The following GRXCR1 variants were observed in gnomAD, a reference collection of about 807,000 sequenced individuals.
GRXCR1 encodes the protein glutaredoxin and cysteine rich domain containing 1, also known as glutaredoxin domain-containing cysteine-rich protein 1.
GRXCR1 carries 27 observed loss-of-function variants against 27.3 expected under a neutral mutation model. That is an observed-to-expected ratio of 0.99 (90% CI 0.73 to 1.37). GRXCR1 has a LOEUF of 1.37. GRXCR1 is among the 40% of genes most tolerant of loss of function. The pLI is 0.00. For missense variants in GRXCR1, 379 were observed against 354.4 expected (o/e 1.07, Z -0.56); for synonymous variants, 122 against 131.1 (o/e 0.93, Z 0.47).
chr4:43,003,709 A>G (rs1712460157), intron 2 of GRXCR1, among the ~76,000 whole-genome samples: 1 of 152,212 alleles, frequency 6.6e-6, no homozygotes, highest in Non-Finnish European at 1.5e-5. Context: ...CATCTGGCAG[A>G]AGAAATTTCT....
chr4:42,894,736 A>G (rs768022849), intron 1 of GRXCR1, among the ~76,000 whole-genome samples: 1 of 152,102 alleles, frequency 6.6e-6, no homozygotes, highest in African/African-American at 2.4e-5. Context: ...AGAATTTTAC[A>G]TATTGGGGTG....
chr4:42,983,941 T>C (rs1178440509), intron 2 of GRXCR1, among the ~76,000 whole-genome samples: 1 of 151,652 alleles, frequency 6.6e-6, no homozygotes, highest in Non-Finnish European at 1.5e-5. Flanking sequence ...GTTCAAGCAA[T>C]TCTCCTGCCT....
At chr4:42,987,234 T>TATATATATTATAC (rs1711780167) in intron 2 of GRXCR1, among the ~76,000 whole-genome samples, 1 of 84,044 alleles carries the variant, frequency 1.2e-5, no homozygotes, top group Non-Finnish European at 2.3e-5. Flanking sequence ...ATATATTATA[T>TATATATATTATAC]ATATATAATA....
At chr4:42,988,393 C>T (rs1212233781) in intron 2 of GRXCR1, among the ~76,000 whole-genome samples, 2 of 152,076 alleles carry the variant, frequency 1.3e-5, no homozygotes, top group Non-Finnish European at 2.9e-5. Flanking sequence ...CTGAAGACTG[C>T]CAAGTTCAGC....
At chr4:43,028,165 G>A (rs80179897) in intron 3 of GRXCR1, among the ~76,000 whole-genome samples, 6,261 of 151,822 alleles carry the variant, frequency 0.041, 380 homozygotes, top group African/African-American at 0.14. Context: ...AATAGCCATT[G>A]CCCAAGATGG....
intron 1 of GRXCR1, among the ~76,000 whole-genome samples, chr4:42,958,569 C>T (rs531881063): frequency 1.6e-4 from 24 of 151,866 alleles, no homozygotes; most frequent in South Asian, 2.1e-4. Context: ...AGTGGGAGCA[C>T]GCAAAACTAA....
chr4:42,937,447 T>C (rs1747487396), intron 1 of GRXCR1, among the ~76,000 whole-genome samples: 1 of 151,896 alleles, frequency 6.6e-6, no homozygotes, highest in Admixed American at 6.6e-5. Context: ...GAGAGCTAAG[T>C]GTGTTCACTG....
intron 1 of GRXCR1, among the ~76,000 whole-genome samples, chr4:42,924,045 A>T (rs541691160): frequency 6.6e-6 from 1 of 152,216 alleles, no homozygotes; most frequent in Admixed American, 6.5e-5. Context: ...TAAAGTTGAC[A>T]AGCAATTCCC....
intron 2 of GRXCR1, among the ~76,000 whole-genome samples, chr4:42,999,245 C>T (rs1268491390): frequency 6.6e-6 from 1 of 152,182 alleles, no homozygotes; most frequent in East Asian, 1.9e-4. Context: ...CAGCTCATTT[C>T]TGGTTTCTCT....
chr4:43,028,543 A>G (rs764595711), intron 3 of GRXCR1, among the ~76,000 whole-genome samples: 7 of 152,354 alleles, frequency 4.6e-5, no homozygotes, highest in Non-Finnish European at 1.0e-4. Flanking sequence ...TGTACAAGTC[A>G]TTAAATATTT....
chr4:43,009,041 T>A (rs1712651781), intron 2 of GRXCR1, among the ~76,000 whole-genome samples: 1 of 152,210 alleles, frequency 6.6e-6, no homozygotes, highest in South Asian at 2.1e-4. Context: ...CCTCAAAAGA[T>A]CAATCACAGC....
intron 1 of GRXCR1, among the ~76,000 whole-genome samples, chr4:42,926,172 G>A (rs1747153285): frequency 6.6e-6 from 1 of 151,960 alleles, no homozygotes; most frequent in African/African-American, 2.4e-5. Flanking sequence ...ATAAACTCAA[G>A]CAATCCTAAC....
At chr4:42,929,001 T>A (rs1480562862) in intron 1 of GRXCR1, among the ~76,000 whole-genome samples, 2 of 151,972 alleles carry the variant, frequency 1.3e-5, no homozygotes, top group Non-Finnish European at 2.9e-5. Context: ...TGTCAAAACA[T>A]CATTATATAT....
intron 1 of GRXCR1, among the ~76,000 whole-genome samples, chr4:42,912,879 G>A (rs1286164667): frequency 2.0e-5 from 3 of 152,050 alleles, no homozygotes; most frequent in Non-Finnish European, 4.4e-5. Flanking sequence ...TTGAATCATG[G>A]GAGCAGTTTC....
At chr4:42,961,139 C>G (rs546308893) in intron 1 of GRXCR1, among the ~76,000 whole-genome samples, 2 of 151,792 alleles carry the variant, frequency 1.3e-5, no homozygotes, top group South Asian at 4.1e-4. Context: ...CTGAGGATAA[C>G]GGCTTTCAGC....
At chr4:43,016,618 G>A (rs760816090) in intron 2 of GRXCR1, among the ~76,000 whole-genome samples, 4 of 133,814 alleles carry the variant, frequency 3.0e-5, no homozygotes, top group African/African-American at 1.2e-4. Flanking sequence ...TCAGTAACGG[G>A]AAGCAGTTGT....
intron 2 of GRXCR1, among the ~76,000 whole-genome samples, chr4:43,000,082 A>G (rs1454800789): frequency 2.0e-5 from 3 of 152,332 alleles, no homozygotes; most frequent in East Asian, 3.9e-4. Context: ...TCTGAGTAGT[A>G]TGATAAAATC....
At chr4:42,930,805 T>C (rs1747288200) in intron 1 of GRXCR1, among the ~76,000 whole-genome samples, 1 of 152,018 alleles carries the variant, frequency 6.6e-6, no homozygotes, top group African/African-American at 2.4e-5. Context: ...CCCTGGCACA[T>C]AGAAAAGCAC....
chr4:43,009,352 T>C (rs541498204), intron 2 of GRXCR1, among the ~76,000 whole-genome samples: 41 of 152,342 alleles, frequency 2.7e-4, no homozygotes, highest in South Asian at 6.2e-4. Flanking sequence ...GTAGTTAATA[T>C]AAATTTTTAA....
Sources: allele counts gnomAD v4.1 joint callset (sites outside exome capture counted in the v4.1 genomes callset), GRCh38; gene constraint gnomAD v4.1.1; transcripts MANE v1.5; gene names NCBI Gene and HGNC (gene_info 2026-07-23, HGNC 2026-07-21).